TMEM117: variants seen among roughly 807,000 people sequenced by gnomAD.
TMEM117 encodes the protein transmembrane protein 117.
TMEM117 carries 27 observed loss-of-function variants against 52.4 expected under a neutral mutation model. The observed-to-expected ratio is 0.51, with a 90% CI of 0.38 to 0.71. The LOEUF (loss-of-function observed/expected upper bound fraction) is 0.71. Ranked by LOEUF, TMEM117 falls within the 30% of genes least tolerant of loss-of-function variation. TMEM117 has a pLI of 0.00. For missense variants in TMEM117, 556 were observed against 630.5 expected (o/e 0.88, Z 1.26); for synonymous variants, 215 against 206.3 (o/e 1.04, Z -0.36).
intron 2 of TMEM117, among the ~76,000 whole-genome samples, chr12:43,925,660 TC>T (rs1382520960): frequency 6.6e-6 from 1 of 152,122 alleles, no homozygotes; most frequent in Non-Finnish European, 1.5e-5. Flanking sequence ...GTGAAATCCT[TC>T]CTATTTAAAA....
intron 5 of TMEM117, among the ~76,000 whole-genome samples, chr12:44,223,976 C>T (rs1238695300): frequency 6.6e-6 from 1 of 152,164 alleles, no homozygotes; most frequent in Non-Finnish European, 1.5e-5. Flanking sequence ...ACTGCGCTTC[C>T]ATATTTTATT....
chr12:43,830,087 CAAAAA>C, the TMEM117 span, among the ~76,000 whole-genome samples: 1 of 72,518 alleles, frequency 1.4e-5, no homozygotes, highest in Non-Finnish European at 2.9e-5. Flanking sequence ...GACTCTGTCT[CAAAAA>C]AAAAAAAAAA....
chr12:43,950,883 G>A (rs749276267), intron 3 of TMEM117, among the ~76,000 whole-genome samples: 13 of 152,170 alleles, frequency 8.5e-5, no homozygotes, highest in Non-Finnish European at 1.6e-4. Flanking sequence ...GAAACAGCTC[G>A]GGTCTGCAGC....
intron 2 of TMEM117, among the ~76,000 whole-genome samples, chr12:43,850,021 C>G (rs1943278870): frequency 6.6e-6 from 1 of 152,110 alleles, no homozygotes; most frequent in African/African-American, 2.4e-5. Context: ...TACCACTGTT[C>G]TGTGGTGAGC....
intron 3 of TMEM117, among the ~76,000 whole-genome samples, chr12:44,122,749 C>G (rs915730055): frequency 1.3e-5 from 2 of 152,168 alleles, no homozygotes; most frequent in Non-Finnish European, 1.5e-5. Context: ...TGATCTCATT[C>G]CTTTTTATGG....
At chr12:43,943,484 A>G (rs114245504) in intron 2 of TMEM117, among the ~76,000 whole-genome samples, 4,468 of 152,226 alleles carry the variant, frequency 0.029, 207 homozygotes, top group African/African-American at 0.1. Context: ...TCATCTTAAT[A>G]TATGTTTCTT....
At chr12:43,892,326 A>C (rs1367279677) in intron 2 of TMEM117, among the ~76,000 whole-genome samples, 2 of 152,128 alleles carry the variant, frequency 1.3e-5, no homozygotes, top group Non-Finnish European at 1.5e-5. Flanking sequence ...AACCAGGAAA[A>C]CTTGTTAGAG....
At chr12:44,090,838 T>C (rs1350668523) in intron 3 of TMEM117, among the ~76,000 whole-genome samples, 1 of 134,078 alleles carries the variant, frequency 7.5e-6, no homozygotes, top group East Asian at 2.0e-4. Context: ...TGTATTTATG[T>C]GTTTTTTTTT....
chr12:43,975,939 G>T (rs373921083), intron 3 of TMEM117, among the ~76,000 whole-genome samples: 2 of 152,274 alleles, frequency 1.3e-5, no homozygotes, highest in East Asian at 1.9e-4. Flanking sequence ...CATCCCACTG[G>T]GCTCTGGATC....
At chr12:44,190,084 A>G (rs186093017) in intron 4 of TMEM117, among the ~76,000 whole-genome samples, 1 of 152,314 alleles carries the variant, frequency 6.6e-6, no homozygotes, top group East Asian at 1.9e-4. Context: ...GATTCAGAGT[A>G]TGGAAGTGTC....
chr12:43,922,297 G>T (rs1404298344), intron 2 of TMEM117, among the ~76,000 whole-genome samples: 2 of 152,104 alleles, frequency 1.3e-5, no homozygotes, highest in African/African-American at 4.8e-5. Flanking sequence ...TAATTGAATT[G>T]TAATTATTTC....
chr12:44,204,615 A>T (rs866292185), intron 4 of TMEM117, among the ~76,000 whole-genome samples: 5 of 147,108 alleles, frequency 3.4e-5, no homozygotes, highest in African/African-American at 1.3e-4. Context: ...CTAAGCAAAC[A>T]GCACAAAATC....
intron 2 of TMEM117, among the ~76,000 whole-genome samples, chr12:43,931,706 T>G (rs1055968819): frequency 6.6e-6 from 1 of 152,214 alleles, no homozygotes; most frequent in Non-Finnish European, 1.5e-5. Context: ...GTTTAGTGAA[T>G]TTTTACTTTG....
intron 3 of TMEM117, among the ~76,000 whole-genome samples, chr12:44,141,699 G>A (rs1948573790): frequency 6.6e-6 from 1 of 152,076 alleles, no homozygotes; most frequent in African/African-American, 2.4e-5. Context: ...ATCCTTTATA[G>A]TAATGTTGAG....
intron 2 of TMEM117, among the ~76,000 whole-genome samples, chr12:43,902,985 T>C (rs1944329256): frequency 6.6e-6 from 1 of 152,194 alleles, no homozygotes; most frequent in Admixed American, 6.5e-5. Flanking sequence ...TGGTTGACCT[T>C]TTCTGGAAAA....
chr12:44,079,417 A>G (rs1040546027), intron 3 of TMEM117, among the ~76,000 whole-genome samples: 1 of 152,148 alleles, frequency 6.6e-6, no homozygotes, highest in African/African-American at 2.4e-5. Flanking sequence ...AACTGGCATG[A>G]GATGGTATCT....
chr12:44,278,108 A>G (rs1404689703), intron 5 of TMEM117, among the ~76,000 whole-genome samples: 1 of 152,122 alleles, frequency 6.6e-6, no homozygotes, highest in African/African-American at 2.4e-5. Flanking sequence ...TTAGGCCCCT[A>G]CAGATAATCT....
chr12:44,021,074 C>T (rs779373934), intron 3 of TMEM117, among the ~76,000 whole-genome samples: 1 of 152,066 alleles, frequency 6.6e-6, no homozygotes, highest in East Asian at 1.9e-4. Context: ...ACCTGAAATT[C>T]AGTCAGTAGT....
rs187441617 is a variant in TMEM117, at chr12:43,942,732, T to G, written c.278-1478T>G. Among the ~76,000 whole-genome samples, 8 of 152,216 alleles carry G rather than the reference T, an allele frequency of 5.3e-5. No homozygotes were observed. The East Asian group carries it at 1.5e-3, about 29-fold the overall frequency. Reference sequence around the variant, plus strand: ...CATAAAGGTGAGATATAAGGAAAAGTTCAATAGTTAAATCTTAAAAGATTA... The same window carrying G: ...CATAAAGGTGAGATATAAGGAAAAGGTCAATAGTTAAATCTTAAAAGATTA... On this transcript the variant is annotated intron_variant, in intron 2 of 7. Coordinates refer to ENST00000266534, the MANE Select transcript of TMEM117 (RefSeq NM_032256.3).
Sources: allele counts gnomAD v4.1 joint callset (sites outside exome capture counted in the v4.1 genomes callset), GRCh38; gene constraint gnomAD v4.1.1; transcripts MANE v1.5; gene names NCBI Gene and HGNC (gene_info 2026-07-23, HGNC 2026-07-21).